Variants in SLCO1A2 observed in about 807,000 individuals in gnomAD.
The protein encoded by SLCO1A2 is solute carrier organic anion transporter family member 1A2.
SLCO1A2 carries 67 observed loss-of-function variants against 69.0 expected under a neutral mutation model. That is an observed-to-expected ratio of 0.97 (90% confidence interval 0.80 to 1.19). The LOEUF is 1.19. Ranked by LOEUF, SLCO1A2 falls within the 50% of genes most tolerant of loss-of-function variation. The probability of loss-of-function intolerance (pLI) is 0.00; values close to 1 mark genes in which losing one functional copy is unlikely to be tolerated. For missense variants in SLCO1A2, 787 were observed against 793.7 expected (o/e 0.99, Z 0.10); for synonymous variants, 260 against 265.9 (o/e 0.98, Z 0.22).
At position 21,306,920 on chromosome 12, in the gene SLCO1A2, T is replaced by A. The variant is rs45502302; in HGVS notation, c.404A>T (p.Asn135Ile). The A allele has an allele frequency of 6.2e-7, 1 of 1,613,694 alleles. No individual in the cohort carries two copies. Among genetic ancestry groups the A allele is most frequent in the African/African-American group, 1.3e-5 (1 of 74,910 alleles). Reference protein sequence around the residue: ...LSSNSFLCMENGTQILRPTQD... With the variant: ...LSSNSFLCMEIGTQILRPTQD... ...CGTTGGTCTTAAAATCTGGGTTCCATTTTCCATACACAAGAAACTGTTTGA... is the reference window on the plus strand; with the variant it reads ...CGTTGGTCTTAAAATCTGGGTTCCAATTTCCATACACAAGAAACTGTTTGA... The change falls in exon 5 of 15, where the codon AAT becomes ATT. Residue 135 changes from asparagine to isoleucine, a missense_variant. By Grantham distance (149) the Asn-to-Ile change is moderately radical. Coordinates refer to ENST00000683939, the MANE Select transcript of SLCO1A2 (RefSeq NM_001386879.1).
intron 2 of SLCO1A2, among the ~76,000 whole-genome samples, chr12:21,360,027 G>A (rs1938702475): frequency 6.6e-6 from 1 of 151,402 alleles, no homozygotes; most frequent in African/African-American, 2.4e-5. Flanking sequence ...AAAAAAAAAA[G>A]TCAGGCAAAA....
chr12:21,411,229 T>C (rs915322870), intron 1 of SLCO1A2, among the ~76,000 whole-genome samples: 1 of 152,254 alleles, frequency 6.6e-6, no homozygotes, highest in Admixed American at 6.5e-5. Flanking sequence ...AACAGAACTC[T>C]AAATTTTTAA....
chr12:21,368,711 G>C (rs1939571788), intron 2 of SLCO1A2, among the ~76,000 whole-genome samples: 1 of 152,016 alleles, frequency 6.6e-6, no homozygotes, highest in African/African-American at 2.4e-5. Context: ...GAGCAAGATA[G>C]ATCATTTGTT....
intron 2 of SLCO1A2, chr12:21,373,478 G>A (rs376022719): frequency 2.3e-6 from 3 of 1,278,296 alleles, no homozygotes; most frequent in African/African-American, 2.9e-5. Context: ...TGTAAAGTGT[G>A]AGAAAATTAG....
intron 4 of SLCO1A2, among the ~76,000 whole-genome samples, chr12:21,313,141 A>G (rs1030688091): frequency 6.6e-6 from 1 of 152,190 alleles, no homozygotes; most frequent in African/African-American, 2.4e-5. Flanking sequence ...TGGCACATCA[A>G]AACAATTACA....
At chr12:21,305,020 CTATATT>C (rs1227424956) in intron 5 of SLCO1A2, among the ~76,000 whole-genome samples, 10 of 152,208 alleles carry the variant, frequency 6.6e-5, no homozygotes, top group East Asian at 3.8e-4. Flanking sequence ...AGAATTGGTA[CTATATT>C]TATAAGATTT....
chr12:21,389,919 T>A (rs1407476069), intron 1 of SLCO1A2, among the ~76,000 whole-genome samples: 2 of 149,330 alleles, frequency 1.3e-5, no homozygotes. Flanking sequence ...CTAATTATAT[T>A]ATATAATTAT....
intron 1 of SLCO1A2, among the ~76,000 whole-genome samples, chr12:21,377,484 A>C (rs746565164): frequency 1.3e-5 from 2 of 152,138 alleles, no homozygotes; most frequent in Non-Finnish European, 2.9e-5. Context: ...TTATGTGCAA[A>C]ATGTTGGGCA....
chr12:21,416,635 T>A (rs569924282), intron 1 of SLCO1A2, among the ~76,000 whole-genome samples: 1 of 151,624 alleles, frequency 6.6e-6, no homozygotes, highest in Admixed American at 6.6e-5. Context: ...AGAGACAGGG[T>A]CTCATGACAT....
Position 21,360,862 on chromosome 12 carries a change from C to T in SLCO1A2, c.-63+13537G>A, listed in dbSNP as rs1446848801. 2.0e-5 allele frequency among the ~76,000 whole-genome samples: 3 copies of T among 152,174 alleles called. No homozygotes were observed. In the East Asian group the frequency reaches 5.8e-4, roughly 29 times the overall value. On this transcript the variant is annotated intron_variant, in intron 2 of 15. Transcript: ENST00000307378. Reference sequence around the variant, plus strand: ...GGAGGGGCGTCCGCCATTGCTGAGGCTTGAGAAGGTAAACAAAGCAGCTAG... The same window carrying T: ...GGAGGGGCGTCCGCCATTGCTGAGGTTTGAGAAGGTAAACAAAGCAGCTAG...
At chr12:21,388,875 C>T (rs931115612) in intron 1 of SLCO1A2, among the ~76,000 whole-genome samples, 4 of 152,100 alleles carry the variant, frequency 2.6e-5, no homozygotes, top group African/African-American at 9.7e-5. Flanking sequence ...TGGTAAAATG[C>T]TGCAAATGTA....
In SLCO1A2 at chr12:21,403,584, TTGTTTA is replaced by T. The variant is rs1408020031; in HGVS notation, c.-312+14292_-312+14297del. The stretch of plus-strand genomic sequence containing the variant: ...AGCAGAGTTGTAAATAAAAGAATCT[TTGTTTA>T]TGTAAGTTTTAAACCTTTGGTTAAG... On this transcript the variant is annotated intron_variant, in intron 1 of 4. Transcript: ENST00000413682. 125 of 152,140 alleles carry T rather than the reference TTGTTTA, an allele frequency of 8.2e-4. 1 individual carries two copies. The highest frequency in any genetic ancestry group is 7.4e-5 in the Non-Finnish European group (5 of 67,996). 9.4% of individuals were successfully genotyped at this position (152,140 alleles called of 1,614,324 possible). A position where few individuals can be genotyped will look rare whatever the true frequency, so the allele number is the denominator to read the frequency against.
At chr12:21,361,547 G>A (rs150338786) in intron 2 of SLCO1A2, among the ~76,000 whole-genome samples, 113 of 152,324 alleles carry the variant, frequency 7.4e-4, no homozygotes, top group Non-Finnish European at 1.2e-3. Context: ...TGACTTTGAC[G>A]AGTTGACAGA....
Position 21,267,771 on chromosome 12 carries a change from G to GGTAA in SLCO1A2, c.*1773_*1776dup, listed in dbSNP as rs1315967904. ...TTTTTCTTGCTGCTCTGTGAATATAGGTAAGTCTCTTCTCCTTGTTTTAGT... is the reference window on the plus strand; with the variant it reads ...TTTTTCTTGCTGCTCTGTGAATATAGGTAAGTAAGTCTCTTCTCCTTGTTTTAGT... On this transcript the variant is annotated 3_prime_UTR_variant, in exon 15 of 15. Transcript: ENST00000683939. 1 of 152,082 alleles carries GGTAA rather than the reference G, an allele frequency of 6.6e-6. No individual in the cohort carries two copies. The highest frequency in any genetic ancestry group is 1.9e-4 in the East Asian group (1 of 5,180). The allele number at this position is 152,082 out of a possible 1,614,324, so 9.4% of individuals were successfully genotyped here.
At chr12:21,294,959 C>T (rs1591805054) in intron 10 of SLCO1A2, 1 of 152,046 alleles carries the variant, frequency 6.6e-6, no homozygotes, top group East Asian at 1.9e-4. Context: ...TTAGGATGTT[C>T]TTTATTTCAT....
rs1311641602 is a variant in SLCO1A2, at chr12:21,401,199, C to A, written c.-312+16683G>T. 4.6e-5 allele frequency among the ~76,000 whole-genome samples: 7 copies of A among 151,708 alleles called. No individual in the cohort carries two copies. The Middle Eastern group carries it at 0.02, about 442-fold the overall frequency. On this transcript the variant is annotated intron_variant, in intron 1 of 4. Transcript: ENST00000413682. ...AAAACAAAATATATTTAATTATAGA[C>A]AATTACTAATACTTGTAAATCACAA... is the stretch of plus-strand genomic sequence containing the variant.
chr12:21,318,965 A>G lies in SLCO1A2; in HGVS notation c.61-42T>C, dbSNP rs774987302. Reference sequence around the variant, plus strand: ...AGAAAACGTAGAAAAAATTATTTTTAAATTGTATACTTGCCGTCTGTTGAC... The same window carrying G: ...AGAAAACGTAGAAAAAATTATTTTTGAATTGTATACTTGCCGTCTGTTGAC... On this transcript the variant is annotated intron_variant, in intron 2 of 14. Coordinates refer to ENST00000683939, the MANE Select transcript of SLCO1A2 (RefSeq NM_001386879.1). The G allele has an allele frequency of 8.2e-6, 12 of 1,471,336 alleles. No homozygotes were observed. The Admixed American group carries it at 2.3e-4, about 28-fold the overall frequency. The allele number at this position is 1,471,336 out of a possible 1,614,324, so 91.1% of individuals were successfully genotyped here.
intron 1 of SLCO1A2, chr12:21,378,306 T>C (rs1940356470): frequency 1.9e-6 from 3 of 1,614,076 alleles, no homozygotes; most frequent in South Asian, 2.2e-5. Flanking sequence ...ATTTTTTAGT[T>C]CATTCCAGCA....
At chr12:21,364,575 G>C (rs1375375971) in intron 2 of SLCO1A2, among the ~76,000 whole-genome samples, 1 of 152,156 alleles carries the variant, frequency 6.6e-6, no homozygotes, top group Non-Finnish European at 1.5e-5. Flanking sequence ...AAGAAATAAA[G>C]GGTATTCAAT....
Sources: gnomAD v4.1 joint callset for allele counts (sites outside exome capture counted in the v4.1 genomes callset) on GRCh38, gnomAD v4.1.1 for gene constraint, MANE v1.5 for transcripts, NCBI Gene and HGNC (gene_info 2026-07-23, HGNC 2026-07-21) for gene names.